The following MCOLN2 variants were observed in gnomAD, a reference collection of about 807,000 sequenced individuals.
MCOLN2 encodes the protein mucolipin TRP cation channel 2, also known as mucolipin-2.
In MCOLN2, 57 loss-of-function variants were observed where a neutral mutation model predicts 67.5. That is an observed-to-expected ratio of 0.84 (90% CI 0.68 to 1.05). The LOEUF is 1.05. Ranked by LOEUF, MCOLN2 falls within the 50% of genes least tolerant of loss-of-function variation. MCOLN2 has a pLI of 0.00. For missense variants in MCOLN2, 620 were observed against 678.8 expected (o/e 0.91, Z 0.96); for synonymous variants, 246 against 233.3 (o/e 1.05, Z -0.50).
intron 1 of MCOLN2, among the ~76,000 whole-genome samples, chr1:84,985,821 C>A (rs1015074655): frequency 6.6e-6 from 1 of 152,144 alleles, no homozygotes; most frequent in Non-Finnish European, 1.5e-5. Context: ...ACACATCCCA[C>A]GCTCATGGAT....
intron 1 of MCOLN2, among the ~76,000 whole-genome samples, chr1:84,979,023 C>A (rs1650126971): frequency 6.6e-6 from 1 of 152,080 alleles, no homozygotes; most frequent in Admixed American, 6.6e-5. Flanking sequence ...GCCAGTCTCT[C>A]TTTTCACATT....
chr1:84,963,719 C>T (rs1347748952), intron 2 of MCOLN2, among the ~76,000 whole-genome samples: 1 of 152,160 alleles, frequency 6.6e-6, no homozygotes, highest in African/African-American at 2.4e-5. Context: ...CGAAGATGTG[C>T]CTGCTTCCTC....
At chr1:84,937,003 T>C (rs1328629155) in intron 11 of MCOLN2, among the ~76,000 whole-genome samples, 12 of 152,226 alleles carry the variant, frequency 7.9e-5, no homozygotes, top group Non-Finnish European at 1.8e-4. Context: ...TGTTAGCTGC[T>C]GCTATTTTTG....
intron 4 of MCOLN2, 94 bp from the exon 5 acceptor site, chr1:84,952,624 C>A (rs677476): frequency 1.3e-6 from 1 of 799,732 alleles, no homozygotes; most frequent in East Asian, 2.5e-5. Context: ...AGGTTACTTA[C>A]GGAGTTTCAA....
rs368640336 is a variant in MCOLN2, at chr1:84,940,836, C to T, written c.960+43G>A. On this transcript the variant is annotated intron_variant, in intron 8 of 13. Transcript: ENST00000370608. ...GTCCACTGCTTGGGCAAACTGAGGG[C>T]GCAGGCCAAGAGGGCAGGAAGAGAA... The T allele has an allele frequency of 1.9e-5, 27 of 1,394,604 alleles. No individual in the cohort carries two copies. In the Admixed American group the frequency reaches 2.1e-4, roughly 11 times the overall value. 86.4% of individuals were successfully genotyped at this position (1,394,604 alleles called of 1,614,324 possible). A position where few individuals can be genotyped will look rare whatever the true frequency, so the allele number is the denominator to read the frequency against.
intron 4 of MCOLN2, among the ~76,000 whole-genome samples, chr1:84,953,733 A>G (rs145331425): frequency 7.2e-5 from 11 of 152,200 alleles, no homozygotes; most frequent in African/African-American, 2.7e-4. Flanking sequence ...ATGATAGAAG[A>G]AAGATTCCAA....
chr1:84,992,465 C>T (rs11161501), intron 1 of MCOLN2, among the ~76,000 whole-genome samples: 63,896 of 151,790 alleles, frequency 0.42, 14,173 homozygotes, highest in East Asian at 0.63. Context: ...CTGAGAAGAA[C>T]GGGAAGAAAA....
chr1:84,941,024 A>G, intron 7 of MCOLN2, 33 bp from the exon 8 acceptor site: 1 of 1,367,234 alleles, frequency 7.3e-7, no homozygotes, highest in Non-Finnish European at 1.0e-6. Context: ...AATGTTAAAC[A>G]CACCTTACCG....
Position 84,952,543 on chromosome 1 carries a change from A to C in MCOLN2, c.566-13T>G. 1 of 1,569,722 alleles carries C rather than the reference A, an allele frequency of 6.4e-7. No homozygotes were observed. The highest frequency in any genetic ancestry group is 8.8e-7 in the Non-Finnish European group (1 of 1,139,944). On this transcript the variant is annotated splice_polypyrimidine_tract_variant and intron_variant, in intron 4 of 13. Transcript: ENST00000370608. ...AATTGAACACAATCTAGGGCAATGA[A>C]AGAACAAGAAATGGTTGTTTCAGGC...
At chr1:84,932,432 C>T (rs921756788) in intron 11 of MCOLN2, among the ~76,000 whole-genome samples, 1 of 152,006 alleles carries the variant, frequency 6.6e-6, no homozygotes, top group African/African-American at 2.4e-5. Context: ...AGGCTGGTCT[C>T]GAACTCCTGG....
At chr1:84,978,931 T>C (rs946756063) in intron 1 of MCOLN2, among the ~76,000 whole-genome samples, 1 of 152,126 alleles carries the variant, frequency 6.6e-6, no homozygotes, top group Non-Finnish European at 1.5e-5. Context: ...CAGTCCGAGT[T>C]CTAAAACTGA....
intron 7 of MCOLN2, among the ~76,000 whole-genome samples, chr1:84,943,788 A>G (rs1167583710): frequency 2.0e-5 from 3 of 152,204 alleles, no homozygotes; most frequent in African/African-American, 7.2e-5. Flanking sequence ...TGAGGCTGCC[A>G]TGAGAATCAG....
intron 1 of MCOLN2, among the ~76,000 whole-genome samples, chr1:84,979,479 AC>A (rs1650150530): frequency 6.6e-6 from 1 of 152,218 alleles, no homozygotes; most frequent in African/African-American, 2.4e-5. Context: ...ATTCATCATG[AC>A]CAAGTGGGAT....
chr1:84,950,141 C>A (rs1384746120), intron 6 of MCOLN2, among the ~76,000 whole-genome samples: 1 of 152,096 alleles, frequency 6.6e-6, no homozygotes, highest in Non-Finnish European at 1.5e-5. Context: ...AAGGAACTCA[C>A]AATAAAGACA....
chr1:84,963,093 C>G (rs1399095865), intron 2 of MCOLN2, among the ~76,000 whole-genome samples: 4 of 152,170 alleles, frequency 2.6e-5, no homozygotes, highest in Non-Finnish European at 4.4e-5. Context: ...TGCCCAAGCA[C>G]AAATCCCAGT....
At chr1:84,928,575 T>G (rs12145073) in intron 13 of MCOLN2, among the ~76,000 whole-genome samples, 28,292 of 152,214 alleles carry the variant, frequency 0.19, 3,394 homozygotes, top group Non-Finnish European at 0.25. Context: ...AAAAGAGATT[T>G]TGAGAGACTT....
chr1:84,964,212 C>T (rs1220615049), intron 2 of MCOLN2, among the ~76,000 whole-genome samples: 1 of 152,126 alleles, frequency 6.6e-6, no homozygotes, highest in African/African-American at 2.4e-5. Flanking sequence ...GTACACATGG[C>T]ATGTCATATA....
chr1:84,958,408 G>T, intron 3 of MCOLN2, 121 bp downstream of exon 3: 2 of 712,726 alleles, frequency 2.8e-6, no homozygotes, highest in Non-Finnish European at 4.3e-6. Context: ...ACATTTTTTG[G>T]CAGACTGCAA....
intron 4 of MCOLN2, among the ~76,000 whole-genome samples, chr1:84,952,991 T>C (rs1648581234): frequency 6.6e-6 from 1 of 152,222 alleles, no homozygotes; most frequent in South Asian, 2.1e-4. Flanking sequence ...CCAGATGTTA[T>C]CCTGAATAGG....
Sources: allele counts gnomAD v4.1 joint callset (sites outside exome capture counted in the v4.1 genomes callset), GRCh38; gene constraint gnomAD v4.1.1; transcripts MANE v1.5; gene names NCBI Gene and HGNC (gene_info 2026-07-23, HGNC 2026-07-21).